The following ASCC3 variants were observed in gnomAD, a reference collection of about 807,000 sequenced individuals.
ASCC3 encodes the protein ASC-1 complex subunit P200.
Under a neutral mutation model 256.3 loss-of-function variants are expected in ASCC3, and 158 were observed. The observed-to-expected ratio is 0.62, with a 90% CI of 0.54 to 0.70. The LOEUF (loss-of-function observed/expected upper bound fraction) is 0.70. Ranked by LOEUF, ASCC3 falls within the 30% of genes least tolerant of loss-of-function variation. The pLI is 0.00. For synonymous variants in ASCC3, 948 were observed against 883.4 expected (o/e 1.07, Z -1.30); for missense variants, 2,259 against 2,626.0 (o/e 0.86, Z 3.05).
intron 13 of ASCC3, among the ~76,000 whole-genome samples, chr6:100,707,532 T>C (rs1424232000): frequency 6.6e-6 from 1 of 152,154 alleles, no homozygotes; most frequent in East Asian, 1.9e-4. Flanking sequence ...AACTTTAAAC[T>C]ATTTCTTTAT....
intron 4 of ASCC3, among the ~76,000 whole-genome samples, chr6:100,814,625 T>G (rs1408144299): frequency 6.6e-6 from 1 of 152,184 alleles, no homozygotes; most frequent in Non-Finnish European, 1.5e-5. Flanking sequence ...CAAAGCTCAT[T>G]ATTGGTCTGT....
chr6:100,773,868 T>C (rs1782052073), intron 8 of ASCC3, among the ~76,000 whole-genome samples: 1 of 152,158 alleles, frequency 6.6e-6, no homozygotes, highest in African/African-American at 2.4e-5. Context: ...AAAGAAATAC[T>C]AAATTGAATC....
Position 100,852,543 on chromosome 6 carries a change from T to A in ASCC3, c.242-3836A>T, listed in dbSNP as rs188135694. Among the ~76,000 whole-genome samples, 5 of 152,382 alleles carry A rather than the reference T, an allele frequency of 3.3e-5. No individual in the cohort carries two copies. The East Asian group carries it at 9.6e-4, about 29-fold the overall frequency. ...ATAATAAAAACGATTAGGTTTATGA[T>A]CTTTGGTTAAGTTAACATTTGCACC... On this transcript the variant is annotated intron_variant, in intron 3 of 41. Coordinates refer to ENST00000369162, the MANE Select transcript of ASCC3 (RefSeq NM_006828.4).
chr6:100,860,556 T>A (rs1218620295), intron 3 of ASCC3, among the ~76,000 whole-genome samples: 2 of 151,950 alleles, frequency 1.3e-5, no homozygotes, highest in African/African-American at 4.8e-5. Context: ...CTATACTTCA[T>A]TTGTTTATTG....
intron 32 of ASCC3, among the ~76,000 whole-genome samples, chr6:100,606,185 C>A (rs976814392): frequency 1.1e-4 from 16 of 151,938 alleles, no homozygotes; most frequent in Admixed American, 1.1e-3. Context: ...TCTGAGATAA[C>A]TAATGATTTA....
At chr6:100,832,944 A>C (rs943768021) in intron 4 of ASCC3, among the ~76,000 whole-genome samples, 1 of 152,126 alleles carries the variant, frequency 6.6e-6, no homozygotes, top group African/African-American at 2.4e-5. Context: ...GTTCACAAAT[A>C]AATACAGCTG....
intron 26 of ASCC3, among the ~76,000 whole-genome samples, chr6:100,629,682 T>C (rs1300116584): frequency 3.3e-5 from 5 of 152,140 alleles, no homozygotes; most frequent in Admixed American, 3.3e-4. Context: ...GAATTTTCTA[T>C]AGATTTTATA....
intron 8 of ASCC3, among the ~76,000 whole-genome samples, chr6:100,795,528 G>A (rs1485614509): frequency 6.6e-6 from 1 of 151,998 alleles, no homozygotes; most frequent in Non-Finnish European, 1.5e-5. Flanking sequence ...TGTCACCCTT[G>A]CTTGCTTTGA....
At chr6:100,573,618 G>A (rs910137174) in intron 36 of ASCC3, among the ~76,000 whole-genome samples, 1 of 152,102 alleles carries the variant, frequency 6.6e-6, no homozygotes, top group Admixed American at 6.6e-5. Context: ...TTTATTTCCA[G>A]TAAGATAATA....
At chr6:100,588,564 A>G (rs1015136775) in intron 36 of ASCC3, among the ~76,000 whole-genome samples, 1 of 152,170 alleles carries the variant, frequency 6.6e-6, no homozygotes, top group East Asian at 1.9e-4. Context: ...TAGCTGCCTT[A>G]TATACTTTAG....
At chr6:100,520,504 T>C (rs1774251432) in intron 37 of ASCC3, among the ~76,000 whole-genome samples, 1 of 152,080 alleles carries the variant, frequency 6.6e-6, no homozygotes, top group Middle Eastern at 3.4e-3. Context: ...TTCCTATTCA[T>C]CCAACAAGTC....
intron 14 of ASCC3, among the ~76,000 whole-genome samples, chr6:100,667,040 G>A (rs1776511342): frequency 6.6e-6 from 1 of 152,168 alleles, no homozygotes; most frequent in Admixed American, 6.6e-5. Flanking sequence ...TTATGATAGA[G>A]GTACAGGGAC....
chr6:100,554,477 G>A (rs1185351036), intron 36 of ASCC3, among the ~76,000 whole-genome samples: 1 of 152,140 alleles, frequency 6.6e-6, no homozygotes, highest in Non-Finnish European at 1.5e-5. Context: ...CAGTGGGGAT[G>A]GCAGCCTGCT....
intron 14 of ASCC3, among the ~76,000 whole-genome samples, chr6:100,662,874 T>G (rs774673787): frequency 2.0e-5 from 3 of 152,030 alleles, no homozygotes; most frequent in Non-Finnish European, 4.4e-5. Flanking sequence ...TAAATCTCAG[T>G]GGCTTCTCAA....
intron 13 of ASCC3, among the ~76,000 whole-genome samples, chr6:100,689,323 C>G (rs1404804942): frequency 6.6e-6 from 1 of 152,134 alleles, no homozygotes; most frequent in East Asian, 1.9e-4. Flanking sequence ...CTGTTAACCA[C>G]ATAGCGAGGT....
At chr6:100,697,963 G>T (rs1334351294) in intron 13 of ASCC3, among the ~76,000 whole-genome samples, 1 of 152,080 alleles carries the variant, frequency 6.6e-6, no homozygotes, top group Non-Finnish European at 1.5e-5. Context: ...ACATCATTCG[G>T]AGACAAACTG....
At chr6:100,625,630 C>A (rs1400202449) in intron 29 of ASCC3, among the ~76,000 whole-genome samples, 16 of 151,964 alleles carry the variant, frequency 1.1e-4, no homozygotes, top group Admixed American at 9.9e-4. Context: ...CTGAGACTCT[C>A]CATTAAGAGC....
intron 8 of ASCC3, among the ~76,000 whole-genome samples, chr6:100,779,295 G>A (rs1274711584): frequency 2.0e-5 from 3 of 152,058 alleles, no homozygotes; most frequent in Admixed American, 1.3e-4. Flanking sequence ...GTCTCGCTAT[G>A]TTGCTGAAGT....
intron 37 of ASCC3, chr6:100,531,090 A>C: frequency 1.6e-6 from 2 of 1,248,016 alleles, no homozygotes; most frequent in Non-Finnish European, 1.2e-6. Context: ...TAGTCTGTAC[A>C]ATAAATACAA....
Sources: gnomAD v4.1 joint callset for allele counts (sites outside exome capture counted in the v4.1 genomes callset) on GRCh38, gnomAD v4.1.1 for gene constraint, MANE v1.5 for transcripts, NCBI Gene and HGNC (gene_info 2026-07-23, HGNC 2026-07-21) for gene names.